TMEM232: variants seen among roughly 807,000 people sequenced by gnomAD.
The protein encoded by TMEM232 is transmembrane protein 232.
TMEM232 carries 80 observed loss-of-function variants against 78.8 expected under a neutral mutation model. The observed-to-expected ratio is 1.01, with a 90% CI of 0.85 to 1.22. The LOEUF is 1.22. TMEM232 is among the 50% of genes most tolerant of loss of function. The probability of loss-of-function intolerance (pLI) is 0.00; values close to 1 mark genes in which losing one functional copy is unlikely to be tolerated. For synonymous variants in TMEM232, 297 were observed against 254.3 expected, an observed-to-expected ratio of 1.17 and a Z score of -1.60; for missense variants, 881 against 742.2, an observed-to-expected ratio of 1.19 and a Z score of -2.17.
At chr5:110,524,403 GAAAGAAAGAAAGA>G (rs200930545) in intron 12 of TMEM232, among the ~76,000 whole-genome samples, 8,997 of 75,732 alleles carry the variant, frequency 0.12, 316 homozygotes, top group Middle Eastern at 0.23. Context: ...AAGAAAGAAA[GAAAGAAAGAAAGA>G]AAAGAAAAGA....
chr5:110,678,683 C>T (rs1792334794), intron 1 of TMEM232, among the ~76,000 whole-genome samples: 1 of 151,610 alleles, frequency 6.6e-6, no homozygotes, highest in African/African-American at 2.4e-5. Flanking sequence ...TTCATCAGCC[C>T]CAGCACCCCG....
At chr5:110,638,443 G>A (rs1786200142) in intron 4 of TMEM232, 88 bp from the exon 5 acceptor site, 5 of 1,286,448 alleles carry the variant, frequency 3.9e-6, no homozygotes, top group Non-Finnish European at 5.3e-6. Context: ...ATTATTTCCT[G>A]TCATTAAGAC....
At chr5:110,525,613 T>C (rs1463545460) in intron 12 of TMEM232, among the ~76,000 whole-genome samples, 2 of 151,820 alleles carry the variant, frequency 1.3e-5, no homozygotes, top group African/African-American at 4.8e-5. Flanking sequence ...GAGTGTTAAT[T>C]TTTCTAAAGT....
chr5:110,410,914 A>C (rs1471496559), intron 2 of TMEM232, among the ~76,000 whole-genome samples: 1 of 152,124 alleles, frequency 6.6e-6, no homozygotes, highest in African/African-American at 2.4e-5. Context: ...CTGCTTCTCT[A>C]AGATGATGTG....
chr5:110,693,082 G>T (rs913509880), intron 1 of TMEM232, among the ~76,000 whole-genome samples: 1 of 152,152 alleles, frequency 6.6e-6, no homozygotes, highest in Non-Finnish European at 1.5e-5. Context: ...ACCTCACATG[G>T]CCGGGTACTC....
chr5:110,424,920 C>T lies in TMEM232; in HGVS notation c.1704-4G>A, dbSNP rs17132118. ...TTCTGATACAGAAGGATGTTCCCTT[C>T]AAAAGAGCACAAGAACAAATCCAAC... On this transcript the variant is annotated splice_region_variant and splice_polypyrimidine_tract_variant and intron_variant, in intron 12 of 13. Coordinates refer to ENST00000455884, the MANE Select transcript of TMEM232 (RefSeq NM_001039763.4). 1.9e-3 allele frequency: 2,946 copies of T among 1,543,646 alleles called. 47 individuals are homozygous for T. The African/African-American group carries it at 0.036, about 19-fold the overall frequency.
At chr5:110,568,249 C>T (rs1776558146) in intron 11 of TMEM232, among the ~76,000 whole-genome samples, 198 bp downstream of exon 11, 1 of 151,806 alleles carries the variant, frequency 6.6e-6, no homozygotes, top group Admixed American at 6.6e-5. Flanking sequence ...ATTTTGGTGG[C>T]CTTTACACTA....
At chr5:110,408,781 T>C (rs1755886695) in intron 2 of TMEM232, among the ~76,000 whole-genome samples, 1 of 151,804 alleles carries the variant, frequency 6.6e-6, no homozygotes, top group South Asian at 2.1e-4. Context: ...CATTAGAGAT[T>C]ATTATGAACA....
intron 2 of TMEM232, among the ~76,000 whole-genome samples, chr5:110,401,974 T>C (rs1192721950): frequency 6.6e-6 from 1 of 152,072 alleles, no homozygotes; most frequent in African/African-American, 2.4e-5. Context: ...CGAGTTTCAG[T>C]TGTTACCTGT....
chr5:110,497,733 C>G (rs1422024536), intron 12 of TMEM232, among the ~76,000 whole-genome samples: 3 of 152,122 alleles, frequency 2.0e-5, no homozygotes, highest in Non-Finnish European at 2.9e-5. Context: ...GCCTGCTTTA[C>G]ACACTTATGG....
intron 1 of TMEM232, among the ~76,000 whole-genome samples, chr5:110,702,337 A>G (rs1375395710): frequency 6.6e-6 from 1 of 152,014 alleles, no homozygotes; most frequent in African/African-American, 2.4e-5. Context: ...ATAGTCAGCA[A>G]TTATGCCCTG....
intron 8 of TMEM232, chr5:110,618,121 A>G (rs1047213941): frequency 1.5e-5 from 4 of 258,956 alleles, no homozygotes; most frequent in Non-Finnish European, 2.9e-5. Flanking sequence ...TTTGTTTAAC[A>G]ACTTGGAATA....
intron 2 of TMEM232, among the ~76,000 whole-genome samples, chr5:110,408,571 C>G (rs1755877997): frequency 6.6e-6 from 1 of 151,960 alleles, no homozygotes; most frequent in African/African-American, 2.4e-5. Flanking sequence ...GCCCGGGTGA[C>G]AGAGTGAGAC....
chr5:110,704,142 A>G (rs1206170833), intron 1 of TMEM232, among the ~76,000 whole-genome samples: 8 of 152,122 alleles, frequency 5.3e-5, no homozygotes, highest in Admixed American at 5.2e-4. Flanking sequence ...ACTGCTGAGC[A>G]ATAAAGGTCT....
intron 4 of TMEM232, among the ~76,000 whole-genome samples, chr5:110,639,824 C>T (rs1561435092): frequency 6.6e-6 from 1 of 152,224 alleles, no homozygotes; most frequent in Non-Finnish European, 1.5e-5. Flanking sequence ...CTCACATGTG[C>T]AGTTCACCAT....
intron 12 of TMEM232, among the ~76,000 whole-genome samples, chr5:110,450,329 C>T (rs76155378): frequency 6.6e-6 from 1 of 152,038 alleles, no homozygotes; most frequent in East Asian, 1.9e-4. Context: ...CAAATAGCTG[C>T]CTGGAGCTGT....
intron 10 of TMEM232, among the ~76,000 whole-genome samples, chr5:110,593,374 T>C (rs1387341117): frequency 1.3e-5 from 2 of 152,180 alleles, no homozygotes; most frequent in East Asian, 1.9e-4. Flanking sequence ...AGGAAAAGAT[T>C]TGAAAACTTC....
intron 1 of TMEM232, among the ~76,000 whole-genome samples, chr5:110,710,125 A>C (rs1240595287): frequency 6.6e-6 from 1 of 152,102 alleles, no homozygotes; most frequent in Non-Finnish European, 1.5e-5. Context: ...ATTAATGGCT[A>C]CTAGGAGCAA....
At chr5:110,693,484 C>CT (rs1190638245) in intron 1 of TMEM232, among the ~76,000 whole-genome samples, 1 of 152,168 alleles carries the variant, frequency 6.6e-6, no homozygotes. Context: ...GAGAAGAAGG[C>CT]TTCAGAAGAT....
Sources: gnomAD v4.1 joint callset for allele counts (sites outside exome capture counted in the v4.1 genomes callset) on GRCh38, gnomAD v4.1.1 for gene constraint, MANE v1.5 for transcripts, NCBI Gene and HGNC (gene_info 2026-07-23, HGNC 2026-07-21) for gene names.